Variants in ZNF704 observed in about 807,000 individuals in gnomAD.
ZNF704 encodes the protein glucocorticoid induced gene 1.
In ZNF704, 10 loss-of-function variants were observed where a neutral mutation model predicts 44.7. That is an observed-to-expected ratio of 0.22 (90% CI 0.14 to 0.38). The LOEUF is 0.38. ZNF704 is among the 10% of genes least tolerant of loss of function. The pLI, the probability that ZNF704 is intolerant of heterozygous loss-of-function variation, is 1.00. For synonymous variants in ZNF704, 211 were observed against 207.6 expected (o/e 1.02, Z -0.14); for missense variants, 390 against 545.5 (o/e 0.71, Z 2.84).
intron 2 of ZNF704, among the ~76,000 whole-genome samples, chr8:80,706,903 T>C (rs910619505): frequency 4.6e-5 from 7 of 152,246 alleles, no homozygotes; most frequent in African/African-American, 1.7e-4. Context: ...GACAAACCGA[T>C]GAGTGACAGA....
At chr8:80,848,358 A>G (rs1012946535) in intron 1 of ZNF704, among the ~76,000 whole-genome samples, 1 of 152,212 alleles carries the variant, frequency 6.6e-6, no homozygotes, top group African/African-American at 2.4e-5. Context: ...TATCGCACAC[A>G]TGCATACACA....
intron 2 of ZNF704, among the ~76,000 whole-genome samples, chr8:80,706,122 A>G (rs1818893833): frequency 6.6e-6 from 1 of 151,960 alleles, no homozygotes; most frequent in African/African-American, 2.4e-5. Flanking sequence ...TCAAAGTTGC[A>G]CCTCTCACTC....
intron 2 of ZNF704, among the ~76,000 whole-genome samples, chr8:80,775,367 T>A (rs1037205473): frequency 3.9e-5 from 6 of 152,234 alleles, no homozygotes; most frequent in Non-Finnish European, 8.8e-5. Context: ...TTTCCACTTA[T>A]AGTTAGATAA....
At chr8:80,703,066 C>T (rs1285293635) in intron 2 of ZNF704, among the ~76,000 whole-genome samples, 4 of 152,084 alleles carry the variant, frequency 2.6e-5, no homozygotes, top group Non-Finnish European at 4.4e-5. Flanking sequence ...CTCCCCATTG[C>T]CCTCACATGA....
chr8:80,835,205 T>G (rs943473594), intron 1 of ZNF704, among the ~76,000 whole-genome samples: 1 of 152,150 alleles, frequency 6.6e-6, no homozygotes, highest in African/African-American at 2.4e-5. Flanking sequence ...CTGAAAAGGC[T>G]TGGATAGAAA....
At chr8:80,665,714 A>G (rs1353417674) in intron 5 of ZNF704, among the ~76,000 whole-genome samples, 1 of 152,194 alleles carries the variant, frequency 6.6e-6, no homozygotes, top group East Asian at 1.9e-4. Context: ...AATAATTTAA[A>G]AAATAGATAT....
At chr8:80,851,986 T>A (rs1339780619) in intron 1 of ZNF704, among the ~76,000 whole-genome samples, 1 of 152,150 alleles carries the variant, frequency 6.6e-6, no homozygotes, top group Admixed American at 6.5e-5. Flanking sequence ...GAAAAAAAAG[T>A]CTGTGTTCCT....
upstream of ZNF704, among the ~76,000 whole-genome samples, chr8:80,877,756 C>T (rs1809376425): frequency 1.3e-5 from 2 of 151,886 alleles, no homozygotes; most frequent in African/African-American, 4.8e-5. Context: ...CGTGCAGCAG[C>T]GAACAAAATA....
intron 7 of ZNF704, among the ~76,000 whole-genome samples, chr8:80,645,948 G>T (rs912190726): frequency 1.3e-5 from 2 of 152,072 alleles, no homozygotes; most frequent in African/African-American, 4.8e-5. Flanking sequence ...AGGTGATTAG[G>T]CTATGAGGGC....
chr8:80,788,574 C>T (rs1807652486), intron 2 of ZNF704, among the ~76,000 whole-genome samples: 1 of 152,178 alleles, frequency 6.6e-6, no homozygotes, highest in Non-Finnish European at 1.5e-5. Context: ...CTTTTGTTCT[C>T]TGAATTTCAT....
chr8:80,658,327 C>G (rs1253550066), intron 7 of ZNF704, among the ~76,000 whole-genome samples: 3 of 151,452 alleles, frequency 2.0e-5, no homozygotes, highest in Non-Finnish European at 4.4e-5. Flanking sequence ...TAGGTTAATA[C>G]AGAGTGGCTG....
At chr8:80,836,656 G>T (rs550860476) in intron 1 of ZNF704, among the ~76,000 whole-genome samples, 6 of 152,022 alleles carry the variant, frequency 3.9e-5, no homozygotes, top group African/African-American at 1.4e-4. Context: ...ATGGTGGTAC[G>T]TGCCTTTAGT....
chr8:80,839,167 C>T (rs553679835), intron 1 of ZNF704, among the ~76,000 whole-genome samples: 1 of 152,324 alleles, frequency 6.6e-6, no homozygotes, highest in Non-Finnish European at 1.5e-5. Context: ...ACTGGACTAA[C>T]TAACCTAACG....
chr8:80,679,668 A>ATT (rs1168348421), intron 4 of ZNF704, among the ~76,000 whole-genome samples: 1 of 152,184 alleles, frequency 6.6e-6, no homozygotes, highest in Non-Finnish European at 1.5e-5. Context: ...GGTCTTCTTC[A>ATT]TGTAAAGCAA....
intron 1 of ZNF704, among the ~76,000 whole-genome samples, chr8:80,849,106 G>A (rs1808816042): frequency 6.6e-6 from 1 of 152,214 alleles, no homozygotes; most frequent in African/African-American, 2.4e-5. Context: ...GAGTAGTAAA[G>A]TTAGGTATCA....
At chr8:80,863,614 C>G (rs75037125) in intron 1 of ZNF704, among the ~76,000 whole-genome samples, 2,582 of 152,216 alleles carry the variant, frequency 0.017, 29 homozygotes, top group Non-Finnish European at 0.024. Context: ...TCAAGGTTAT[C>G]AAGAAGATCA....
intron 2 of ZNF704, among the ~76,000 whole-genome samples, chr8:80,734,896 A>G (rs753139883): frequency 6.6e-5 from 10 of 152,162 alleles, no homozygotes; most frequent in Non-Finnish European, 1.3e-4. Context: ...CCAATTAATC[A>G]AGTTTCTTAA....
At position 80,630,837 on chromosome 8, in the gene ZNF704, T is replaced by C. The variant is rs1224376599; in HGVS notation, c.*10529A>G. The C allele has an allele frequency of 2.0e-5, 3 of 152,086 alleles. No individual in the cohort carries two copies. The South Asian group carries it at 6.2e-4, about 32-fold the overall frequency. The allele number at this position is 152,086 out of a possible 1,614,324, so 9.4% of individuals were successfully genotyped here. A position where few individuals can be genotyped will look rare whatever the true frequency, so the allele number is the denominator to read the frequency against. On this transcript the variant is annotated 3_prime_UTR_variant, in exon 9 of 9. Coordinates refer to ENST00000327835, the MANE Select transcript of ZNF704 (RefSeq NM_001033723.3). ...ACTGTCCAACCATTAATTACAAAAA[T>C]AGGAATTTTAGGGTGTGTTGTAGGA... is the stretch of plus-strand genomic sequence containing the variant.
chr8:80,762,052 G>A (rs551860992), intron 2 of ZNF704, among the ~76,000 whole-genome samples: 7 of 152,146 alleles, frequency 4.6e-5, no homozygotes, highest in South Asian at 2.1e-4. Flanking sequence ...CTACATATGC[G>A]CACAATGCTT....
Sources: gnomAD v4.1 joint callset for allele counts (sites outside exome capture counted in the v4.1 genomes callset) on GRCh38, gnomAD v4.1.1 for gene constraint, MANE v1.5 for transcripts, NCBI Gene and HGNC (gene_info 2026-07-23, HGNC 2026-07-21) for gene names.